The following STRIP2 variants were observed in gnomAD, a reference collection of about 807,000 sequenced individuals.
The protein encoded by STRIP2 is striatin interacting protein 2.
A neutral mutation model predicts 107.1 loss-of-function variants in STRIP2; 84 were observed. That is an observed-to-expected ratio of 0.78 (90% CI 0.66 to 0.94). The LOEUF (loss-of-function observed/expected upper bound fraction) is 0.94. Among genes scored for constraint, STRIP2 ranks in the 40% least tolerant of loss-of-function variants. The pLI, the probability that STRIP2 is intolerant of heterozygous loss-of-function variation, is 0.00. For synonymous variants in STRIP2, 394 were observed against 400.4 expected, an observed-to-expected ratio of 0.98 and a Z score of 0.19; for missense variants, 888 against 1,034.2, an observed-to-expected ratio of 0.86 and a Z score of 1.94.
rs1326303870 is a variant in STRIP2, at chr7:129,461,412, CAAAG to C, written c.1476+1043_1476+1046del. Among the ~76,000 whole-genome samples the C allele has an allele frequency of 6.6e-6, 1 of 151,814 alleles. No individual in the cohort carries two copies. The highest frequency in any genetic ancestry group is 2.4e-5 in the African/African-American group (1 of 41,288). On this transcript the variant is annotated intron_variant, in intron 13 of 20. Transcript: ENST00000249344. This position sits in a 1 kb window ranked among gnomAD's most constrained non-coding sequence, Gnocchi z 4.0. ...AGATAACCCAGGGAGGGAGTAGAGA[CAAAG>C]AAGAGAATGGAAGGCAGGACAAAGC...
At chr7:129,477,271 T>A (rs952455840) in intron 18 of STRIP2, among the ~76,000 whole-genome samples, 12 of 150,944 alleles carry the variant, frequency 7.9e-5, no homozygotes, top group African/African-American at 2.9e-4. Flanking sequence ...TTTCCGTACT[T>A]ATGAGTACAT....
chr7:129,470,857 G>A, intron 18 of STRIP2, 142 bp downstream of exon 18: 1 of 705,182 alleles, frequency 1.4e-6, no homozygotes, highest in Non-Finnish European at 2.5e-6. Context: ...GAGCAGAGAT[G>A]CAGCAGGGGT....
chr7:129,441,876 A>G (rs1305518464), intron 2 of STRIP2, among the ~76,000 whole-genome samples: 1 of 152,204 alleles, frequency 6.6e-6, no homozygotes, highest in East Asian at 1.9e-4. Context: ...TTGGCCCTCC[A>G]AAGTGCTGGG....
Position 129,454,068 on chromosome 7 carries a change from T to C in STRIP2, c.531-74T>C, listed in dbSNP as rs923591835. Reference sequence around the variant, plus strand: ...AGGGAATGGCAAGCACTCATATTTGTGTGAGTGATAAGTAAGAGCACAGAG... The same window carrying C: ...AGGGAATGGCAAGCACTCATATTTGCGTGAGTGATAAGTAAGAGCACAGAG... On this transcript the variant is annotated intron_variant, in intron 5 of 20. Coordinates refer to ENST00000249344, the MANE Select transcript of STRIP2 (RefSeq NM_020704.3). The C allele has an allele frequency of 4.3e-6, 6 of 1,389,756 alleles. No individual in the cohort carries two copies. The African/African-American group carries it at 7.1e-5, about 16-fold the overall frequency. The allele number at this position is 1,389,756 out of a possible 1,614,324, so 86.1% of individuals were successfully genotyped here. A position where few individuals can be genotyped will look rare whatever the true frequency, so the allele number is the denominator to read the frequency against.
chr7:129,470,675 G>C lies in STRIP2; in HGVS notation c.1904G>C (p.Cys635Ser). ...ATCTCAGTCCTGGATTATCCTTGCT[G>C]TACCATCCAGGATTTGCCGGAGCTT... The part of the protein sequence containing the change: ...NSISVLDYPC[C>S]TIQDLPELTT... Residue 635 changes from cysteine to serine, a missense_variant, in exon 18 of 21, where the codon TGT (cysteine) becomes TCT (serine). Coordinates refer to ENST00000249344, the MANE Select transcript of STRIP2 (RefSeq NM_020704.3). 1 of 1,614,012 alleles carries C rather than the reference G, an allele frequency of 6.2e-7. No homozygotes were observed. The highest frequency in any genetic ancestry group is 8.5e-7 in the Non-Finnish European group (1 of 1,179,892).
At position 129,458,105 on chromosome 7, in the gene STRIP2, CAG is replaced by C; in HGVS notation, c.1039-108_1039-107del. The C allele has an allele frequency of 1.2e-6, 1 of 845,130 alleles. No individual in the cohort carries two copies. Among genetic ancestry groups the C allele is most frequent in the Non-Finnish European group, 2.0e-6 (1 of 501,750 alleles). 52.4% of individuals were successfully genotyped at this position (845,130 alleles called of 1,614,324 possible). On this transcript the variant is annotated intron_variant, in intron 9 of 20. Transcript: ENST00000249344. The surrounding 1 kb of genome is among the most constrained non-coding windows in gnomAD (Gnocchi z 4.6). ...TGGATGTTTTCGCAAGGGCTGTGTT[CAG>C]ATTCCATGTTCCCTGAAATGTGGAG...
At chr7:129,455,178 G>A in intron 7 of STRIP2, 66 bp from the exon 8 acceptor site, 2 of 1,546,162 alleles carry the variant, frequency 1.3e-6, no homozygotes, top group South Asian at 2.5e-5. Flanking sequence ...CAGAATCAGG[G>A]TTACATGAAA....
intron 16 of STRIP2, 83 bp from the exon 17 acceptor site, chr7:129,467,267 T>G: frequency 1.0e-6 from 1 of 978,656 alleles, no homozygotes; most frequent in Non-Finnish European, 1.6e-6. Flanking sequence ...GGATATTAGA[T>G]TTGTATTTCC....
At chr7:129,476,503 G>A (rs1312622830) in intron 18 of STRIP2, among the ~76,000 whole-genome samples, 1 of 151,392 alleles carries the variant, frequency 6.6e-6, no homozygotes, top group African/African-American at 2.4e-5. Context: ...TCTCAGATGG[G>A]GCGGCCAGGC....
chr7:129,444,214 G>T, intron 3 of STRIP2, 116 bp downstream of exon 3: 1 of 697,764 alleles, frequency 1.4e-6, no homozygotes, highest in Non-Finnish European at 2.4e-6. Flanking sequence ...ATTAGTTAGG[G>T]TTCTCTTAGA....
At position 129,434,523 on chromosome 7, in the gene STRIP2, T is replaced by TGGCAAC. The variant is rs1211735232; in HGVS notation, c.55_60dup (p.Asn19_Gly20dup). 1.3e-6 allele frequency: 2 copies of TGGCAAC among 1,518,014 alleles called. No individual in the cohort carries two copies. Among genetic ancestry groups the TGGCAAC allele is most frequent in the Non-Finnish European group, 1.8e-6 (2 of 1,140,410 alleles). The allele number at this position is 1,518,014 out of a possible 1,614,324, so 94.0% of individuals were successfully genotyped here. On this transcript the variant is annotated inframe_insertion, in exon 1 of 21. Transcript: ENST00000249344. ...CCGGGGGCCCGCCCGCAAATGGCAA[T>TGGCAAC]GGCAACGGCGGCGGCAAAGGGAAGC...
chr7:129,467,289 C>G (rs1798693149), intron 16 of STRIP2, 61 bp from the exon 17 acceptor site: 1 of 1,227,446 alleles, frequency 8.1e-7, no homozygotes, highest in African/African-American at 1.5e-5. Context: ...CTCTTTTTTT[C>G]AAACATACTT....
Position 129,483,957 on chromosome 7 carries a change from G to A in STRIP2, c.2254+911G>A, listed in dbSNP as rs1019095356. Among the ~76,000 whole-genome samples, 1 of 151,986 alleles carries A rather than the reference G, an allele frequency of 6.6e-6. No homozygotes were observed. Among genetic ancestry groups the A allele is most frequent in the Non-Finnish European group, 1.5e-5 (1 of 67,988 alleles). On this transcript the variant is annotated intron_variant, in intron 20 of 20. Coordinates refer to ENST00000249344, the MANE Select transcript of STRIP2 (RefSeq NM_020704.3). This position sits in a 1 kb window ranked among gnomAD's most constrained non-coding sequence, Gnocchi z 5.1. ...TGGAGTCTCTCCCTGTGTTGCCCAGGCTGGTCTTGAACTCCTGGGCTCAAG... is the reference window on the plus strand; with the variant it reads ...TGGAGTCTCTCCCTGTGTTGCCCAGACTGGTCTTGAACTCCTGGGCTCAAG...
In STRIP2 at chr7:129,485,905, A is replaced by G; in HGVS notation, c.*76A>G. 6.4e-7 allele frequency: 1 copy of G among 1,555,254 alleles called. No individual in the cohort carries two copies. Among genetic ancestry groups the G allele is most frequent in the Non-Finnish European group, 8.8e-7 (1 of 1,142,062 alleles). On this transcript the variant is annotated 3_prime_UTR_variant, in exon 21 of 21. Coordinates refer to ENST00000249344, the MANE Select transcript of STRIP2 (RefSeq NM_020704.3). The stretch of plus-strand genomic sequence containing the variant: ...TGTGCTCTGCCTACCCTGTCCATAC[A>G]GGCGCTGTTACCAGTTCAGGGCTCT...
rs1017993964 is a variant in STRIP2 at position 129,455,225 on chromosome 7, C to T, written c.707-19C>T. 6.2e-7 allele frequency: 1 copy of T among 1,600,108 alleles called. No individual in the cohort carries two copies. Among genetic ancestry groups the T allele is most frequent in the African/African-American group, 1.4e-5 (1 of 73,926 alleles). On this transcript the variant is annotated intron_variant, in intron 7 of 20. Transcript: ENST00000249344. ...TGCCTCATCCTCACTTTCTCACTCC[C>T]CTCTCTCCTCACCCCTAGGCTTCTC...
rs544536095 is a variant in STRIP2, at chr7:129,486,996, CTTTTTTTTTTTTTTTTTTTTT to C, written c.*1181_*1201del. On this transcript the variant is annotated 3_prime_UTR_variant, in exon 21 of 21. Coordinates refer to ENST00000249344, the MANE Select transcript of STRIP2 (RefSeq NM_020704.3). ...TTTCTGATTTAGTTAGGATCATATGCTTTTTTTTTTTTTTTTTTTTTTTTTTTTTTTTTTGAGACAGAGTTT... is the reference window on the plus strand; with the variant it reads ...TTTCTGATTTAGTTAGGATCATATGCTTTTTTTTTTTTTGAGACAGAGTTT... The C allele has an allele frequency of 3.8e-5, 2 of 53,168 alleles. No homozygotes were observed. The highest frequency in any genetic ancestry group is 6.3e-5 in the Non-Finnish European group (2 of 31,794). The allele number at this position is 53,168 out of a possible 1,614,324, so 3.3% of individuals were successfully genotyped here.
At chr7:129,442,375 G>A (rs978349276) in intron 2 of STRIP2, among the ~76,000 whole-genome samples, 12 of 152,148 alleles carry the variant, frequency 7.9e-5, no homozygotes, top group Non-Finnish European at 1.8e-4. Flanking sequence ...TATAGCAAAA[G>A]TAGAAAAATA....
intron 3 of STRIP2, among the ~76,000 whole-genome samples, chr7:129,444,305 C>A (rs1797978477): frequency 6.6e-6 from 1 of 152,068 alleles, no homozygotes; most frequent in Non-Finnish European, 1.5e-5. Context: ...TCACAAGGTC[C>A]CATAATAGGC....
At position 129,483,082 on chromosome 7, in the gene STRIP2, T is replaced by G. The variant is rs763890979; in HGVS notation, c.2254+36T>G. The G allele has an allele frequency of 1.9e-6, 3 of 1,607,314 alleles. No homozygotes were observed. Among genetic ancestry groups the G allele is most frequent in the South Asian group, 2.2e-5 (2 of 90,582 alleles). On this transcript the variant is annotated intron_variant, in intron 20 of 20. Coordinates refer to ENST00000249344, the MANE Select transcript of STRIP2 (RefSeq NM_020704.3). This position sits in a 1 kb window ranked among gnomAD's most constrained non-coding sequence, Gnocchi z 5.1. ...CCAAAGCTCTTGACTTCCTGGAGTT[T>G]CCTGGGGTTTAGACAAAACTAAATA... is the stretch of plus-strand genomic sequence containing the variant.
Sources: allele counts gnomAD v4.1 joint callset (sites outside exome capture counted in the v4.1 genomes callset), GRCh38; gene constraint gnomAD v4.1.1; non-coding constraint Gnocchi (gnomAD v3.1); transcripts MANE v1.5; gene names NCBI Gene and HGNC (gene_info 2026-07-23, HGNC 2026-07-21).